Variants in FAM120A observed in about 807,000 individuals in gnomAD.
FAM120A encodes the protein family with sequence similarity 120 member A, also known as constitutive coactivator of PPAR-gamma-like protein 1.
A neutral mutation model predicts 109.7 loss-of-function variants in FAM120A; 15 were observed. The observed-to-expected ratio is 0.14, with a 90% CI of 0.09 to 0.21. The LOEUF (loss-of-function observed/expected upper bound fraction) is 0.21, where lower values mean the gene tolerates loss of function less well. FAM120A is among the 10% of genes least tolerant of loss of function. The pLI is 1.00. For missense variants in FAM120A, 899 were observed against 1,439.3 expected (o/e 0.62, Z 6.07); for synonymous variants, 493 against 572.8 (o/e 0.86, Z 1.99).
chr9:93,521,218 A>T (rs865950299), intron 7 of FAM120A, among the ~76,000 whole-genome samples: 1 of 152,306 alleles, frequency 6.6e-6, no homozygotes, highest in Non-Finnish European at 1.5e-5. Flanking sequence ...CTTTGCAGAG[A>T]CACAACACTC....
chr9:93,460,581 C>T (rs943214208), intron 1 of FAM120A, among the ~76,000 whole-genome samples: 2 of 152,150 alleles, frequency 1.3e-5, no homozygotes, highest in South Asian at 2.1e-4. Flanking sequence ...GTGATCCACC[C>T]GCCCTGGCCT....
At chr9:93,465,902 G>A (rs942347295) in intron 1 of FAM120A, among the ~76,000 whole-genome samples, 4 of 152,140 alleles carry the variant, frequency 2.6e-5, no homozygotes, top group African/African-American at 9.7e-5. Flanking sequence ...TACTAATCAG[G>A]TGTTTTATAG....
chr9:93,520,376 A>G (rs1215706888), intron 7 of FAM120A, among the ~76,000 whole-genome samples: 1 of 152,204 alleles, frequency 6.6e-6, no homozygotes, highest in Non-Finnish European at 1.5e-5. Flanking sequence ...TCTTAAAGGT[A>G]TAAGCATGGA....
intron 10 of FAM120A, among the ~76,000 whole-genome samples, chr9:93,540,158 A>G (rs1861644440): frequency 6.6e-6 from 1 of 152,216 alleles, no homozygotes; most frequent in African/African-American, 2.4e-5. Flanking sequence ...CCTCTCAGGC[A>G]CATGCCTGTG....
intron 3 of FAM120A, among the ~76,000 whole-genome samples, chr9:93,486,007 G>A (rs1295575754): frequency 6.6e-6 from 1 of 152,150 alleles, no homozygotes; most frequent in Non-Finnish European, 1.5e-5. Flanking sequence ...AAGAAACTGT[G>A]TCCTACTCTG....
intron 1 of FAM120A, among the ~76,000 whole-genome samples, chr9:93,462,167 A>C (rs1355295082): frequency 6.6e-6 from 1 of 152,254 alleles, no homozygotes; most frequent in African/African-American, 2.4e-5. Flanking sequence ...CCTTCTGAGA[A>C]GACAGGGAGA....
intron 3 of FAM120A, among the ~76,000 whole-genome samples, chr9:93,490,302 G>A (rs1588832385): frequency 2.0e-5 from 3 of 152,340 alleles, no homozygotes; most frequent in African/African-American, 2.4e-5. Context: ...CACTTTGGGA[G>A]CAGTGGCACC....
intron 1 of FAM120A, among the ~76,000 whole-genome samples, chr9:93,459,776 C>G (rs1218375702): frequency 2.6e-5 from 4 of 152,116 alleles, no homozygotes; most frequent in Non-Finnish European, 4.4e-5. Flanking sequence ...CTGAAGGCAT[C>G]TATTGGGTGG....
At chr9:93,466,510 C>T (rs1046999637) in intron 1 of FAM120A, among the ~76,000 whole-genome samples, 8 of 151,456 alleles carry the variant, frequency 5.3e-5, no homozygotes, top group Non-Finnish European at 8.8e-5. Flanking sequence ...TTTTCCTGCT[C>T]CAGTGTCAGC....
chr9:93,506,088 C>T (rs1223773847), intron 5 of FAM120A, among the ~76,000 whole-genome samples: 1 of 152,178 alleles, frequency 6.6e-6, no homozygotes, highest in Non-Finnish European at 1.5e-5. Context: ...TTGCCATAGC[C>T]TTGTAATAAT....
chr9:93,527,914 C>T (rs574244425), intron 8 of FAM120A, among the ~76,000 whole-genome samples: 2 of 152,216 alleles, frequency 1.3e-5, no homozygotes, highest in East Asian at 1.9e-4. Context: ...TGAGCCACCA[C>T]GCCCTGTCTC....
chr9:93,486,672 T>G (rs965014069), intron 3 of FAM120A, among the ~76,000 whole-genome samples: 2 of 152,154 alleles, frequency 1.3e-5, no homozygotes, highest in African/African-American at 4.8e-5. Flanking sequence ...TAGCTGGAAT[T>G]ACAGGTGTGT....
intron 1 of FAM120A, among the ~76,000 whole-genome samples, chr9:93,464,137 A>C (rs1049833631): frequency 6.6e-6 from 1 of 152,220 alleles, no homozygotes; most frequent in African/African-American, 2.4e-5. Context: ...AGTAAGTAAC[A>C]GTGTCAAGTT....
chr9:93,502,016 A>G (rs1413015621), intron 5 of FAM120A, among the ~76,000 whole-genome samples: 1 of 152,210 alleles, frequency 6.6e-6, no homozygotes, highest in Non-Finnish European at 1.5e-5. Flanking sequence ...GTTAGAACCC[A>G]TGATGTATTT....
At chr9:93,484,806 T>G (rs1365080676) in intron 3 of FAM120A, among the ~76,000 whole-genome samples, 1 of 152,164 alleles carries the variant, frequency 6.6e-6, no homozygotes, top group Admixed American at 6.5e-5. Flanking sequence ...GCTCCTGATC[T>G]CAGGTGATCC....
chr9:93,461,560 T>C (rs1857791546), intron 1 of FAM120A, among the ~76,000 whole-genome samples: 1 of 152,226 alleles, frequency 6.6e-6, no homozygotes. Flanking sequence ...ATTAGATTAC[T>C]AGAGTAGGCT....
At chr9:93,507,616 G>A (rs1467068248) in intron 5 of FAM120A, among the ~76,000 whole-genome samples, 1 of 152,290 alleles carries the variant, frequency 6.6e-6, no homozygotes, top group Non-Finnish European at 1.5e-5. Flanking sequence ...CAGGAGGTGG[G>A]TGCACAGAAA....
intron 3 of FAM120A, among the ~76,000 whole-genome samples, chr9:93,483,372 CTGTT>C (rs1342892555): frequency 5.3e-5 from 8 of 150,872 alleles, no homozygotes; most frequent in South Asian, 2.1e-4. Flanking sequence ...AAACATTCTT[CTGTT>C]TGTTTGTTTT....
chr9:93,539,792 A>G (rs565834367), intron 10 of FAM120A, among the ~76,000 whole-genome samples: 1 of 152,258 alleles, frequency 6.6e-6, no homozygotes, highest in African/African-American at 2.4e-5. Flanking sequence ...GCAGCAGCCC[A>G]GAGAGAGAAG....
Sources: allele counts gnomAD v4.1 joint callset (sites outside exome capture counted in the v4.1 genomes callset), GRCh38; gene constraint gnomAD v4.1.1; transcripts MANE v1.5; gene names NCBI Gene and HGNC (gene_info 2026-07-23, HGNC 2026-07-21).